Variants in CMC2 observed in about 807,000 individuals in gnomAD.
The protein encoded by CMC2 is C-X9-C motif containing 2, also known as COX assembly mitochondrial protein 2 homolog.
A neutral mutation model predicts 7.5 loss-of-function variants in CMC2; 5 were observed. That is an observed-to-expected ratio of 0.66 (90% CI 0.35 to 1.40). The LOEUF is 1.40. Ranked by LOEUF, CMC2 falls within the 40% of genes most tolerant of loss-of-function variation. The probability of loss-of-function intolerance (pLI) is 0.04; values close to 1 mark genes in which losing one functional copy is unlikely to be tolerated. For synonymous variants in CMC2, 37 were observed against 31.4 expected (o/e 1.18, Z -0.60); for missense variants, 115 against 92.3 (o/e 1.25, Z -1.01).
At chr16:80,990,298 G>A (rs1967876970) in intron 2 of CMC2, among the ~76,000 whole-genome samples, 1 of 152,048 alleles carries the variant, frequency 6.6e-6, no homozygotes, top group South Asian at 2.1e-4. Context: ...AGCCTCCTGA[G>A]TAGCTGGGAT....
In CMC2 at chr16:80,975,097, T is replaced by A. The variant is rs1313117209; in HGVS notation, c.*996A>T. The A allele has an allele frequency of 6.6e-6, 1 of 152,316 alleles. No homozygotes were observed. Among genetic ancestry groups the A allele is most frequent in the Non-Finnish European group, 1.5e-5 (1 of 68,122 alleles). The allele number at this position is 152,316 out of a possible 1,614,324, so 9.4% of individuals were successfully genotyped here. ...CTGCTGACTTCCAGATTGTCACAGGTCTCAGAAACACTTGGCAGAAGGAAC... is the reference window on the plus strand; with the variant it reads ...CTGCTGACTTCCAGATTGTCACAGGACTCAGAAACACTTGGCAGAAGGAAC... On this transcript the variant is annotated 3_prime_UTR_variant, in exon 4 of 4. Transcript: ENST00000219400.
chr16:80,985,440 G>C (rs577148436), intron 2 of CMC2, among the ~76,000 whole-genome samples: 1 of 152,062 alleles, frequency 6.6e-6, no homozygotes, highest in African/African-American at 2.4e-5. Context: ...CTTTTTTCTG[G>C]TTTGAAAAAT....
intron 1 of CMC2, among the ~76,000 whole-genome samples, chr16:81,000,093 A>G (rs564340949): frequency 6.6e-6 from 1 of 152,322 alleles, no homozygotes; most frequent in African/African-American, 2.4e-5. Flanking sequence ...AATAAAGACA[A>G]CCTACAGAAT....
At position 81,006,778 on chromosome 16, in the gene CMC2, C is replaced by A. The variant is rs1969399047; in HGVS notation, c.-80G>T. On this transcript the variant is annotated 5_prime_UTR_variant, in exon 1 of 4. Coordinates refer to ENST00000219400, the MANE Select transcript of CMC2 (RefSeq NM_020188.5). ...GGAGAACTGAAGCGGCAGTAGCCGG[C>A]GGAGACGCCCGACCCGAAGGCCGGC... 4 of 985,680 alleles carry A rather than the reference C, an allele frequency of 4.1e-6. No individual in the cohort carries two copies. The highest frequency in any genetic ancestry group is 9.4e-5 in the South Asian group (2 of 21,290). The allele number at this position is 985,680 out of a possible 1,614,324, so 61.1% of individuals were successfully genotyped here.
intron 3 of CMC2, among the ~76,000 whole-genome samples, chr16:80,978,820 G>C (rs950496853): frequency 2.6e-5 from 4 of 152,112 alleles, no homozygotes; most frequent in Non-Finnish European, 5.9e-5. Context: ...AGTGGCTCAC[G>C]CCTGTAACCC....
chr16:80,999,418 C>T lies in CMC2; in HGVS notation c.-35-1989G>A, dbSNP rs142109819. 2.7e-3 allele frequency among the ~76,000 whole-genome samples: 410 copies of T among 152,246 alleles called. 1 individual carries two copies. The highest frequency in any genetic ancestry group is 0.011 in the South Asian group (55 of 4,830). ...CACTGCTGAAAGAAATCACAGATGA[C>T]ACAAACAAATAGAAAAACATTCCGT... On this transcript the variant is annotated intron_variant, in intron 1 of 3. Transcript: ENST00000219400.
At chr16:80,993,266 AAAAC>A (rs2151638969) in intron 2 of CMC2, among the ~76,000 whole-genome samples, 1 of 152,346 alleles carries the variant, frequency 6.6e-6, no homozygotes, top group African/African-American at 2.4e-5. Flanking sequence ...CTGAAAGAAA[AAAAC>A]AAAACAAAGT....
intron 1 of CMC2, chr16:80,997,902 G>A (rs1328122672): frequency 6.6e-6 from 1 of 151,420 alleles, no homozygotes; most frequent in Non-Finnish European, 1.5e-5. Flanking sequence ...TTTCTTAATA[G>A]CTGGCTGAAA....
rs1017775830 is a variant in CMC2 at position 80,968,445 on chromosome 16, C to G, written c.*7648G>C. 1 of 152,136 alleles carries G rather than the reference C, an allele frequency of 6.6e-6. No individual in the cohort carries two copies. Among genetic ancestry groups the G allele is most frequent in the African/African-American group, 2.4e-5 (1 of 41,418 alleles). The allele number at this position is 152,136 out of a possible 1,614,324, so 9.4% of individuals were successfully genotyped here. On this transcript the variant is annotated 3_prime_UTR_variant, in exon 4 of 4. Transcript: ENST00000219400. ...GCCCACGGACCACAGTCTAATGGCC[C>G]AAATGCAGATGAAGATGAAGGTCTC...
rs190497434 is a variant in CMC2, at chr16:80,989,674, T to C, written c.81+7640A>G. On this transcript the variant is annotated intron_variant, in intron 2 of 3. Transcript: ENST00000219400. ...TACAGGAAAACATATATTGAATATA[T>C]ACATGAAACAAACATAGACACACAT... Among the ~76,000 whole-genome samples the C allele has an allele frequency of 7.8e-5, 11 of 140,950 alleles. No individual in the cohort carries two copies. In the East Asian group the frequency reaches 2.3e-3, roughly 29 times the overall value. 92.5% of individuals were successfully genotyped at this position (140,950 alleles called of 152,430 possible).
intron 2 of CMC2, among the ~76,000 whole-genome samples, chr16:80,984,363 T>C (rs1040140444): frequency 6.6e-6 from 1 of 152,220 alleles, no homozygotes; most frequent in Non-Finnish European, 1.5e-5. Flanking sequence ...AAGGCTTTCA[T>C]GGAAACCAGA....
intron 2 of CMC2, among the ~76,000 whole-genome samples, chr16:80,984,705 G>A (rs1305079295): frequency 2.0e-5 from 3 of 152,060 alleles, no homozygotes; most frequent in African/African-American, 7.3e-5. Flanking sequence ...AAGTCAAGTA[G>A]ACTTTTCAAA....
At position 80,970,136 on chromosome 16, in the gene CMC2, A is replaced by G. The variant is rs965160246; in HGVS notation, c.*5957T>C. On this transcript the variant is annotated 3_prime_UTR_variant, in exon 4 of 4. Transcript: ENST00000219400. Reference sequence around the variant, plus strand: ...AGGGATGAAGAAACTTCAGAGCCACATTGCAATTAAAAAGCTGTCTAGCAA... The same window carrying G: ...AGGGATGAAGAAACTTCAGAGCCACGTTGCAATTAAAAAGCTGTCTAGCAA... The G allele has an allele frequency of 3.3e-5, 5 of 152,200 alleles. No homozygotes were observed. Among genetic ancestry groups the G allele is most frequent in the Non-Finnish European group, 5.9e-5 (4 of 68,044 alleles). 9.4% of individuals were successfully genotyped at this position (152,200 alleles called of 1,614,324 possible). A position where few individuals can be genotyped will look rare whatever the true frequency, so the allele number is the denominator to read the frequency against.
intron 2 of CMC2, among the ~76,000 whole-genome samples, chr16:80,987,229 G>C (rs764705469): frequency 6.6e-6 from 1 of 152,136 alleles, no homozygotes; most frequent in Non-Finnish European, 1.5e-5. Flanking sequence ...GGGATTATGG[G>C]AAGGAATCTT....
chr16:80,978,296 G>A lies in CMC2; in HGVS notation c.154-2117C>T, dbSNP rs1021278205. The A allele has an allele frequency of 2.5e-6, 3 of 1,221,714 alleles. No homozygotes were observed. The Admixed American group carries it at 9.0e-5, about 37-fold the overall frequency. The allele number at this position is 1,221,714 out of a possible 1,614,324, so 75.7% of individuals were successfully genotyped here. ...GCAATCAGGTTGAGAAGGGTCTTAA[G>A]GGAAACTCTTCAGAAGATAATACTT... On this transcript the variant is annotated intron_variant, in intron 3 of 3. Coordinates refer to ENST00000219400, the MANE Select transcript of CMC2 (RefSeq NM_020188.5).
At position 80,967,882 on chromosome 16, in the gene CMC2, A is replaced by G. The variant is rs11864367; in HGVS notation, c.*8211T>C. On this transcript the variant is annotated 3_prime_UTR_variant, in exon 4 of 4. Coordinates refer to ENST00000219400, the MANE Select transcript of CMC2 (RefSeq NM_020188.5). ...TTTGCCCTTAAGATTTTGCTGTCAT[A>G]TTCAATGACAACATACCATATTAAC... 1 of 152,122 alleles carries G rather than the reference A, an allele frequency of 6.6e-6. No homozygotes were observed. Among genetic ancestry groups the G allele is most frequent in the African/African-American group, 2.4e-5 (1 of 41,430 alleles). 9.4% of individuals were successfully genotyped at this position (152,122 alleles called of 1,614,324 possible).
Position 80,980,786 on chromosome 16 carries a change from T to G in CMC2, c.153+1020A>C, listed in dbSNP as rs775759417. The G allele has an allele frequency of 2.1e-5, 15 of 698,548 alleles. No homozygotes were observed. The South Asian group carries it at 2.2e-4, about 10-fold the overall frequency. 43.3% of individuals were successfully genotyped at this position (698,548 alleles called of 1,614,324 possible). On this transcript the variant is annotated intron_variant, in intron 3 of 3. Transcript: ENST00000219400. ...GGTACGCACCTGTCGTCCTAGCTAC[T>G]CAGGAGGCTGAGGTGGGAGGATCAC...
chr16:80,990,547 A>C (rs1311222674), intron 2 of CMC2, among the ~76,000 whole-genome samples: 1 of 152,162 alleles, frequency 6.6e-6, no homozygotes, highest in African/African-American at 2.4e-5. Flanking sequence ...AATCAATCTC[A>C]TTAGCTTCTG....
rs565992642 is a variant in CMC2, at chr16:81,000,601, C to A, written c.-35-3172G>T. Among the ~76,000 whole-genome samples the A allele has an allele frequency of 6.6e-5, 10 of 152,236 alleles. No homozygotes were observed. The South Asian group carries it at 2.1e-3, about 32-fold the overall frequency. On this transcript the variant is annotated intron_variant, in intron 1 of 3. Transcript: ENST00000219400. Reference sequence around the variant, plus strand: ...TGGCCAAAAAACATGAAAAAATGCTCAACATCACTAATCATCAGAGAAATG... The same window carrying A: ...TGGCCAAAAAACATGAAAAAATGCTAAACATCACTAATCATCAGAGAAATG...
Sources: gnomAD v4.1 joint callset for allele counts (sites outside exome capture counted in the v4.1 genomes callset) on GRCh38, gnomAD v4.1.1 for gene constraint, MANE v1.5 for transcripts, NCBI Gene and HGNC (gene_info 2026-07-23, HGNC 2026-07-21) for gene names.